The following UNC119B variants were observed in gnomAD, a reference collection of about 807,000 sequenced individuals.
UNC119B encodes protein unc-119 homolog B.
In UNC119B, 16 loss-of-function variants were observed where a neutral mutation model predicts 23.4. The ratio of observed to expected loss-of-function variants is 0.68; its 90% CI spans 0.46 to 1.04. The LOEUF is 1.04. Ranked by LOEUF, UNC119B falls within the 50% of genes least tolerant of loss-of-function variation. UNC119B has a pLI of 0.00. For missense variants in UNC119B, 350 were observed against 361.3 expected (o/e 0.97, Z 0.25); for synonymous variants, 144 against 145.4 (o/e 0.99, Z 0.07).
chr12:120,713,319 C>G lies in UNC119B; in HGVS notation c.290C>G (p.Thr97Ser). Residue 97 changes from threonine to serine, a missense_variant, in exon 2 of 5, where the codon ACC (threonine) becomes AGC (serine). Transcript: ENST00000344651. ...PEDNIYSIDF[T>S]RFKIRDLETG... ...GACAACATCTACAGTATTGATTTCA[C>G]CCGCTTCAAAATTCGAGATTTGGAG... 1 of 1,614,122 alleles carries G rather than the reference C, an allele frequency of 6.2e-7. No individual in the cohort carries two copies. Among genetic ancestry groups the G allele is most frequent in the Non-Finnish European group, 8.5e-7 (1 of 1,179,940 alleles).
rs977225767 is a variant in UNC119B, at chr12:120,715,760, T to C, written c.359-868T>C. Among the ~76,000 whole-genome samples, 3 of 152,002 alleles carry C rather than the reference T, an allele frequency of 2.0e-5. No individual in the cohort carries two copies. In the South Asian group the frequency reaches 6.2e-4, roughly 32 times the overall value. Reference sequence around the variant, plus strand: ...GTTGGTCAGGCTGGTCTTGAACTCCTGACCTCAGGGGATCCGCCTACCTCG... The same window carrying C: ...GTTGGTCAGGCTGGTCTTGAACTCCCGACCTCAGGGGATCCGCCTACCTCG... On this transcript the variant is annotated intron_variant, in intron 2 of 4. Coordinates refer to ENST00000344651, the MANE Select transcript of UNC119B (RefSeq NM_001080533.3).
chr12:120,721,116 T>C lies in UNC119B; in HGVS notation c.*1084T>C, dbSNP rs1882890336. 1 of 152,224 alleles carries C rather than the reference T, an allele frequency of 6.6e-6. No homozygotes were observed. The highest frequency in any genetic ancestry group is 1.5e-5 in the Non-Finnish European group (1 of 68,048). 9.4% of individuals were successfully genotyped at this position (152,224 alleles called of 1,614,324 possible). A position where few individuals can be genotyped will look rare whatever the true frequency, so the allele number is the denominator to read the frequency against. ...TTGTACATTTCTTGTTTAGGAGGGTTTTCCTATCTACCTTTCTACTGAAGT... is the reference window on the plus strand; with the variant it reads ...TTGTACATTTCTTGTTTAGGAGGGTCTTCCTATCTACCTTTCTACTGAAGT... On this transcript the variant is annotated 3_prime_UTR_variant, in exon 5 of 5. Transcript: ENST00000344651.
intron 2 of UNC119B, 93 bp from the exon 3 acceptor site, chr12:120,716,535 G>C (rs1882782918): frequency 7.8e-7 from 1 of 1,282,062 alleles, no homozygotes; most frequent in African/African-American, 1.5e-5. Flanking sequence ...TGGTTACTGG[G>C]ATTGGTTGCC....
At chr12:120,714,560 C>T (rs1018828362) in intron 2 of UNC119B, among the ~76,000 whole-genome samples, 3 of 152,106 alleles carry the variant, frequency 2.0e-5, no homozygotes, top group East Asian at 1.9e-4. Flanking sequence ...ACCTTTGATT[C>T]GCCTGCCTTG....
intron 1 of UNC119B, 28 bp downstream of exon 1, chr12:120,710,746 C>T: frequency 1.5e-6 from 2 of 1,308,896 alleles, no homozygotes; most frequent in Non-Finnish European, 1.9e-6. Context: ...CGCGCCCTCC[C>T]CTCGCGCCGT....
chr12:120,717,738 A>G (rs1882811633), intron 4 of UNC119B, among the ~76,000 whole-genome samples: 2 of 148,124 alleles, frequency 1.4e-5, no homozygotes, highest in Non-Finnish European at 3.0e-5. Flanking sequence ...AATTTTTTGT[A>G]TTTTTTGTAG....
intron 4 of UNC119B, among the ~76,000 whole-genome samples, chr12:120,719,571 G>C (rs1179307128): frequency 6.6e-6 from 1 of 152,200 alleles, no homozygotes; most frequent in Non-Finnish European, 1.5e-5. Context: ...TCAGCTGAGA[G>C]CACTGAGTAA....
chr12:120,715,803 G>A (rs1170688316), intron 2 of UNC119B, among the ~76,000 whole-genome samples: 1 of 152,128 alleles, frequency 6.6e-6, no homozygotes, highest in Non-Finnish European at 1.5e-5. Context: ...AAAGTGCTGG[G>A]ATTACAGGCA....
chr12:120,713,272 A>G lies in UNC119B; in HGVS notation c.245-2A>G. On this transcript the variant is annotated splice_acceptor_variant, in intron 1 of 4. Transcript: ENST00000344651. LOFTEE classifies it high-confidence loss of function. ...GTGTTGGTTTCTCTCTCTTGTTTTCAGATTATTTATGTAAACCCGAAGACA... is the reference window on the plus strand; with the variant it reads ...GTGTTGGTTTCTCTCTCTTGTTTTCGGATTATTTATGTAAACCCGAAGACA... 1 of 1,594,318 alleles carries G rather than the reference A, an allele frequency of 6.3e-7. No homozygotes were observed. The highest frequency in any genetic ancestry group is 8.6e-7 in the Non-Finnish European group (1 of 1,165,386).
chr12:120,711,934 C>T (rs1229800183), intron 1 of UNC119B, among the ~76,000 whole-genome samples: 1 of 152,210 alleles, frequency 6.6e-6, no homozygotes, highest in African/African-American at 2.4e-5. Flanking sequence ...CAGACCTGAA[C>T]GTATCTTTAG....
chr12:120,716,530 A>T, intron 2 of UNC119B, 98 bp from the exon 3 acceptor site: 1 of 1,209,848 alleles, frequency 8.3e-7, no homozygotes, highest in Non-Finnish European at 1.2e-6. Context: ...TGGTGTGGTT[A>T]CTGGGATTGG....
At position 120,716,726 on chromosome 12, in the gene UNC119B, A is replaced by G. The variant is rs775723973; in HGVS notation, c.457A>G (p.Thr153Ala). ...QFTPAFLRLR[T>A]VGATVEFTVG... ...CACACCGGCATTTCTCCGCCTCCGG[A>G]CAGTCGGGGCTACGTGAGTACCATT... Residue 153 changes from threonine (T) to alanine (A), a missense_variant, in exon 3 of 5, where the codon ACA (threonine) becomes GCA (alanine). Transcript: ENST00000344651. 2.9e-5 allele frequency: 47 copies of G among 1,614,028 alleles called. No individual in the cohort carries two copies.
chr12:120,717,938 C>G (rs1483922840), intron 4 of UNC119B, among the ~76,000 whole-genome samples: 1 of 150,908 alleles, frequency 6.6e-6, no homozygotes, highest in East Asian at 1.9e-4. Flanking sequence ...GTGGCGCAAT[C>G]TCGGCTCACT....
intron 4 of UNC119B, among the ~76,000 whole-genome samples, chr12:120,718,983 G>A (rs899276571): frequency 6.6e-6 from 1 of 152,216 alleles, no homozygotes; most frequent in Non-Finnish European, 1.5e-5. Context: ...ATGATGTATA[G>A]TGTTATAAGT....
At chr12:120,719,396 C>G (rs1417077322) in intron 4 of UNC119B, among the ~76,000 whole-genome samples, 4 of 152,192 alleles carry the variant, frequency 2.6e-5, no homozygotes, top group Admixed American at 1.3e-4. Flanking sequence ...CAGAAGGTCT[C>G]CGGAGAAGGC....
At chr12:120,716,374 A>T (rs767368654) in intron 2 of UNC119B, among the ~76,000 whole-genome samples, 4 of 152,250 alleles carry the variant, frequency 2.6e-5, no homozygotes, top group African/African-American at 4.8e-5. Context: ...GACTTTGGAC[A>T]TGTTACCTGA....
intron 2 of UNC119B, 83 bp downstream of exon 2, chr12:120,713,470 C>A: frequency 9.5e-7 from 1 of 1,049,338 alleles, no homozygotes; most frequent in Non-Finnish European, 1.4e-6. Flanking sequence ...CCACTGCATC[C>A]TGTTTCTTGG....
At chr12:120,719,462 G>A (rs1287354026) in intron 4 of UNC119B, among the ~76,000 whole-genome samples, 1 of 152,190 alleles carries the variant, frequency 6.6e-6, no homozygotes, top group African/African-American at 2.4e-5. Flanking sequence ...GGGTTGTCAG[G>A]GTTGTGTGTG....
In UNC119B at chr12:120,722,456, G is replaced by A. The variant is rs1456232006; in HGVS notation, c.*2424G>A. 1 of 152,220 alleles carries A rather than the reference G, an allele frequency of 6.6e-6. No homozygotes were observed. Among genetic ancestry groups the A allele is most frequent in the Non-Finnish European group, 1.5e-5 (1 of 68,042 alleles). The allele number at this position is 152,220 out of a possible 1,614,324, so 9.4% of individuals were successfully genotyped here. ...ACCTGAGTTGGGGAGAGAATTGCAA[G>A]GCATACTTTCTCTGAAAGTAACAGA... On this transcript the variant is annotated 3_prime_UTR_variant, in exon 5 of 5. Coordinates refer to ENST00000344651, the MANE Select transcript of UNC119B (RefSeq NM_001080533.3).
Sources: gnomAD v4.1 joint callset for allele counts (sites outside exome capture counted in the v4.1 genomes callset) on GRCh38, gnomAD v4.1.1 for gene constraint, MANE v1.5 for transcripts, NCBI Gene and HGNC (gene_info 2026-07-23, HGNC 2026-07-21) for gene names.